The following PCDH15 variants were observed in gnomAD, a reference collection of about 807,000 sequenced individuals.
The protein encoded by PCDH15 is protocadherin related 15, also known as protocadherin-15.
PCDH15 carries 129 observed loss-of-function variants against 178.5 expected under a neutral mutation model. That is an observed-to-expected ratio of 0.72 (90% CI 0.63 to 0.84). PCDH15 has a LOEUF of 0.84. Ranked by LOEUF, PCDH15 falls within the 40% of genes least tolerant of loss-of-function variation. The pLI is 0.00. For missense variants in PCDH15, 2,230 were observed against 2,099.9 expected (o/e 1.06, Z -1.21); for synonymous variants, 800 against 732.0 (o/e 1.09, Z -1.50).
intron 5 of PCDH15, among the ~76,000 whole-genome samples, chr10:54,364,538 T>C (rs1946523930): frequency 6.6e-6 from 1 of 152,164 alleles, no homozygotes; most frequent in Non-Finnish European, 1.5e-5. Context: ...AACTTCATAG[T>C]TGTTGGATAC....
intron 2 of PCDH15, among the ~76,000 whole-genome samples, chr10:55,119,622 T>A (rs1837716157): frequency 2.6e-5 from 4 of 152,184 alleles, no homozygotes; most frequent in African/African-American, 9.7e-5. Context: ...CCTCTGACCC[T>A]AGCAAGTTTC....
At chr10:55,520,451 G>A (rs989889256) in intron 2 of PCDH15, among the ~76,000 whole-genome samples, 3 of 146,530 alleles carry the variant, frequency 2.0e-5, no homozygotes, top group Non-Finnish European at 4.5e-5. Context: ...ATCAGACTAG[G>A]AAGCAATTAA....
At chr10:54,670,155 T>G (rs1481552784) in intron 1 of PCDH15, among the ~76,000 whole-genome samples, 2 of 152,140 alleles carry the variant, frequency 1.3e-5, no homozygotes, top group Admixed American at 1.3e-4. Flanking sequence ...TTGATGAAAA[T>G]CATTTTTAAA....
chr10:55,526,046 T>C (rs1160786920), intron 2 of PCDH15, among the ~76,000 whole-genome samples: 7 of 151,994 alleles, frequency 4.6e-5, no homozygotes, highest in Non-Finnish European at 7.4e-5. Flanking sequence ...TAATTTCATA[T>C]GCAATTTGTT....
At chr10:54,338,814 C>T (rs1216706145) in intron 6 of PCDH15, among the ~76,000 whole-genome samples, 1 of 151,946 alleles carries the variant, frequency 6.6e-6, no homozygotes, top group African/African-American at 2.4e-5. Flanking sequence ...CTCCTTATCA[C>T]TTTAGGTCAA....
intron 2 of PCDH15, among the ~76,000 whole-genome samples, chr10:54,595,665 A>C (rs1002732138): frequency 5.3e-5 from 8 of 152,316 alleles, no homozygotes; most frequent in South Asian, 2.1e-4. Context: ...GAGTTTTGGG[A>C]GAATGTTGAA....
chr10:55,279,846 C>A (rs547793254), intron 1 of PCDH15, among the ~76,000 whole-genome samples: 33 of 152,258 alleles, frequency 2.2e-4, no homozygotes, highest in African/African-American at 7.5e-4. Context: ...AAATGCTCAG[C>A]AAATACTGTT....
intron 26 of PCDH15, among the ~76,000 whole-genome samples, chr10:53,878,578 G>A (rs2080458248): frequency 1.3e-5 from 2 of 148,698 alleles, no homozygotes; most frequent in South Asian, 4.2e-4. Context: ...CAGCTTAAAT[G>A]ACCCCTTTTC....
chr10:54,177,178 C>A (rs1200147471), intron 13 of PCDH15, among the ~76,000 whole-genome samples: 1 of 152,068 alleles, frequency 6.6e-6, no homozygotes, highest in Non-Finnish European at 1.5e-5. Flanking sequence ...GCCAGTCTGA[C>A]AAGGCTACAT....
chr10:53,907,816 T>G (rs963076286), intron 25 of PCDH15, among the ~76,000 whole-genome samples: 6 of 152,176 alleles, frequency 3.9e-5, no homozygotes, highest in Admixed American at 6.5e-5. Flanking sequence ...CTGTTCTATT[T>G]TAGACATTTA....
intron 2 of PCDH15, chr10:54,655,178 T>C (rs550643249): frequency 1.4e-5 from 2 of 146,696 alleles, no homozygotes; most frequent in South Asian, 2.1e-4. Context: ...GCCACTGCAC[T>C]CCAGCCTGGG....
intron 21 of PCDH15, among the ~76,000 whole-genome samples, chr10:53,972,027 C>T (rs1421946459): frequency 1.3e-5 from 2 of 152,136 alleles, no homozygotes; most frequent in African/African-American, 4.8e-5. Flanking sequence ...CGCTACCTGA[C>T]TTCAAACTAT....
intron 26 of PCDH15, among the ~76,000 whole-genome samples, chr10:53,890,501 T>C (rs960918327): frequency 4.6e-5 from 7 of 152,196 alleles, no homozygotes; most frequent in African/African-American, 9.7e-5. Flanking sequence ...CAGGTGTTGA[T>C]AGTCTTTCAA....
chr10:54,572,088 T>G (rs952315020), intron 2 of PCDH15, among the ~76,000 whole-genome samples: 2 of 152,272 alleles, frequency 1.3e-5, no homozygotes, highest in Admixed American at 6.5e-5. Flanking sequence ...AGGTTTCTTA[T>G]GAGAATTAGA....
chr10:54,126,588 T>C (rs1425997497), intron 15 of PCDH15, among the ~76,000 whole-genome samples: 1 of 152,128 alleles, frequency 6.6e-6, no homozygotes, highest in Non-Finnish European at 1.5e-5. Context: ...GTTAAATGTA[T>C]GATCCCTTAA....
chr10:55,086,587 T>C (rs908524827), intron 2 of PCDH15, among the ~76,000 whole-genome samples: 3 of 151,918 alleles, frequency 2.0e-5, no homozygotes, highest in Non-Finnish European at 4.4e-5. Flanking sequence ...CAGTCAGACT[T>C]TAAAGGTTGA....
At chr10:54,852,679 C>T (rs1953644625) in intron 3 of PCDH15, among the ~76,000 whole-genome samples, 1 of 151,296 alleles carries the variant, frequency 6.6e-6, no homozygotes, top group Admixed American at 6.6e-5. Context: ...GGTGAAACCC[C>T]GTTTCTACTA....
intron 3 of PCDH15, among the ~76,000 whole-genome samples, chr10:54,395,982 G>T (rs1463383362): frequency 6.6e-6 from 1 of 152,098 alleles, no homozygotes; most frequent in Non-Finnish European, 1.5e-5. Context: ...AATTTAGGAT[G>T]GTTTGGCATA....
At chr10:54,155,324 A>G (rs2044997346) in intron 13 of PCDH15, among the ~76,000 whole-genome samples, 1 of 152,170 alleles carries the variant, frequency 6.6e-6, no homozygotes, top group Non-Finnish European at 1.5e-5. Context: ...TGCAAAACAC[A>G]GGAGACAGAA....
Sources: gnomAD v4.1 joint callset for allele counts (sites outside exome capture counted in the v4.1 genomes callset) on GRCh38, gnomAD v4.1.1 for gene constraint, MANE v1.5 for transcripts, NCBI Gene and HGNC (gene_info 2026-07-23, HGNC 2026-07-21) for gene names.